NKAIN3: variants seen among roughly 807,000 people sequenced by gnomAD.
The protein encoded by NKAIN3 is sodium/potassium-transporting ATPase subunit beta-1-interacting protein 3.
NKAIN3 carries 25 observed loss-of-function variants against 30.2 expected under a neutral mutation model. That is an observed-to-expected ratio of 0.83 (90% CI 0.60 to 1.16). The LOEUF (loss-of-function observed/expected upper bound fraction) is 1.16, where lower values mean the gene tolerates loss of function less well. Ranked by LOEUF, NKAIN3 falls within the 50% of genes most tolerant of loss-of-function variation. The pLI, the probability that NKAIN3 is intolerant of heterozygous loss-of-function variation, is 0.00. For missense variants in NKAIN3, 225 were observed against 254.1 expected, an observed-to-expected ratio of 0.89 and a Z score of 0.78; for synonymous variants, 91 against 89.6, an observed-to-expected ratio of 1.02 and a Z score of -0.09.
intron 5 of NKAIN3, among the ~76,000 whole-genome samples, chr8:62,931,933 C>T (rs1822630217): frequency 6.6e-6 from 1 of 152,126 alleles, no homozygotes; most frequent in African/African-American, 2.4e-5. Flanking sequence ...TTTAAGTAGG[C>T]TGCTAACTCC....
rs1824091943 is a variant in NKAIN3 at position 62,981,957 on chromosome 8, CAG to C, written c.*16552_*16553del. 1 of 152,148 alleles carries C rather than the reference CAG, an allele frequency of 6.6e-6. No homozygotes were observed. The highest frequency in any genetic ancestry group is 2.1e-4 in the South Asian group (1 of 4,806). The allele number at this position is 152,148 out of a possible 1,614,324, so 9.4% of individuals were successfully genotyped here. A position where few individuals can be genotyped will look rare whatever the true frequency, so the allele number is the denominator to read the frequency against. On this transcript the variant is annotated 3_prime_UTR_variant, in exon 7 of 7. Transcript: ENST00000623646. ...AATGAAATAATTTTCAAGCACATAA[CAG>C]ATTAGAAACAGAGAATGAGAAAGGT...
intron 3 of NKAIN3, among the ~76,000 whole-genome samples, chr8:62,633,532 C>A (rs1402130858): frequency 6.6e-6 from 1 of 152,168 alleles, no homozygotes; most frequent in African/African-American, 2.4e-5. Flanking sequence ...TGACAGCCCC[C>A]ACAGGGCAGG....
intron 1 of NKAIN3, among the ~76,000 whole-genome samples, chr8:62,365,466 G>A (rs995003744): frequency 2.0e-5 from 3 of 151,982 alleles, no homozygotes; most frequent in Admixed American, 2.0e-4. Flanking sequence ...TAATGTTTTT[G>A]ATATTTATCC....
chr8:62,669,639 C>A (rs1813239225), intron 3 of NKAIN3, among the ~76,000 whole-genome samples: 1 of 152,108 alleles, frequency 6.6e-6, no homozygotes, highest in African/African-American at 2.4e-5. Flanking sequence ...ATGTCAAAGA[C>A]CTAAGTGGCT....
chr8:62,467,397 C>G (rs1288495437), intron 1 of NKAIN3, among the ~76,000 whole-genome samples: 1 of 152,154 alleles, frequency 6.6e-6, no homozygotes, highest in African/African-American at 2.4e-5. Context: ...AGGTACAACA[C>G]CTGTAAAGTC....
At chr8:62,738,953 A>G (rs922151893) in intron 3 of NKAIN3, among the ~76,000 whole-genome samples, 8 of 152,206 alleles carry the variant, frequency 5.3e-5, no homozygotes, top group African/African-American at 1.9e-4. Context: ...GGATGAGTTC[A>G]TGTCCTTTGC....
chr8:62,514,076 T>C (rs1585893491), intron 1 of NKAIN3, among the ~76,000 whole-genome samples: 1 of 151,994 alleles, frequency 6.6e-6, no homozygotes, highest in Non-Finnish European at 1.5e-5. Flanking sequence ...CTGTTATTCT[T>C]TCTCCTAAGA....
downstream of NKAIN3, among the ~76,000 whole-genome samples, chr8:62,988,590 A>T (rs1042537548): frequency 5.9e-4 from 90 of 152,338 alleles, 1 homozygote; most frequent in African/African-American, 2.1e-3. Context: ...CTTTTAGCCA[A>T]GGCTGGAGCT....
intron 1 of NKAIN3, among the ~76,000 whole-genome samples, chr8:62,519,283 A>G (rs1808085372): frequency 6.6e-6 from 1 of 152,262 alleles, no homozygotes; most frequent in Non-Finnish European, 1.5e-5. Flanking sequence ...GAATCTCTGA[A>G]AGCAGAAATC....
Position 62,344,746 on chromosome 8 carries a change from T to G in NKAIN3, c.54+95619T>G, listed in dbSNP as rs1338047779. The G allele has an allele frequency of 1.9e-5, 6 of 309,172 alleles. No individual in the cohort carries two copies. The East Asian group carries it at 4.5e-4, about 23-fold the overall frequency. 19.2% of individuals were successfully genotyped at this position (309,172 alleles called of 1,614,324 possible). On this transcript the variant is annotated intron_variant, in intron 1 of 6. Transcript: ENST00000623646. ...TATTGACTGCTGTCAGTACTCCAGT[T>G]TGCTACACACTAGTAAGCCACTGAT...
intron 1 of NKAIN3, among the ~76,000 whole-genome samples, chr8:62,500,605 C>A (rs1052789541): frequency 6.6e-6 from 1 of 151,946 alleles, no homozygotes; most frequent in South Asian, 2.1e-4. Context: ...AAGAGCCACT[C>A]AGCAATGGGG....
chr8:62,433,471 T>G (rs1195099069), intron 1 of NKAIN3, among the ~76,000 whole-genome samples: 1 of 152,164 alleles, frequency 6.6e-6, no homozygotes, highest in Non-Finnish European at 1.5e-5. Context: ...CAATTATTAT[T>G]ATGCCAGATA....
chr8:62,863,400 T>C, intron 4 of NKAIN3: 1 of 1,547,410 alleles, frequency 6.5e-7, no homozygotes, highest in Non-Finnish European at 8.8e-7. Context: ...TCAAGATGTT[T>C]TGCGGCTTTA....
At chr8:62,855,955 G>T (rs2130781324) in intron 4 of NKAIN3, 1 of 723,064 alleles carries the variant, frequency 1.4e-6, no homozygotes, top group Non-Finnish European at 2.6e-6. Context: ...CACTTTATGT[G>T]CAGAGCACTA....
At chr8:62,645,537 C>G (rs1203009930) in intron 3 of NKAIN3, among the ~76,000 whole-genome samples, 1 of 152,122 alleles carries the variant, frequency 6.6e-6, no homozygotes, top group African/African-American at 2.4e-5. Flanking sequence ...GCCTGTACAA[C>G]AACCACAAAC....
chr8:62,879,932 A>G (rs974368405), intron 4 of NKAIN3, among the ~76,000 whole-genome samples: 1 of 152,106 alleles, frequency 6.6e-6, no homozygotes, highest in Admixed American at 6.5e-5. Context: ...CAAGTCCTCC[A>G]TATTAGGCTG....
At chr8:62,340,813 ATGG>A in intron 1 of NKAIN3, among the ~76,000 whole-genome samples, 1 of 151,934 alleles carries the variant, frequency 6.6e-6, no homozygotes, top group Non-Finnish European at 1.5e-5. Flanking sequence ...CTTCCCACAG[ATGG>A]TGGTTTGCTC....
intron 3 of NKAIN3, among the ~76,000 whole-genome samples, chr8:62,679,595 G>T (rs1429196120): frequency 2.0e-5 from 3 of 152,170 alleles, no homozygotes; most frequent in African/African-American, 7.2e-5. Context: ...TCTGCTTCTG[G>T]GGAGGTGTCA....
chr8:62,873,709 C>T (rs1820713370), intron 4 of NKAIN3, among the ~76,000 whole-genome samples: 1 of 151,758 alleles, frequency 6.6e-6, no homozygotes, highest in Non-Finnish European at 1.5e-5. Flanking sequence ...TACATGGAAA[C>T]TGAACAACCT....
Sources: allele counts gnomAD v4.1 joint callset (sites outside exome capture counted in the v4.1 genomes callset), GRCh38; gene constraint gnomAD v4.1.1; transcripts MANE v1.5; gene names NCBI Gene and HGNC (gene_info 2026-07-23, HGNC 2026-07-21).